The following JPH1 variants were observed in gnomAD, a reference collection of about 807,000 sequenced individuals.
JPH1 encodes the protein junctophilin-1.
In JPH1, 12 loss-of-function variants were observed where a neutral mutation model predicts 53.6. The ratio of observed to expected loss-of-function variants is 0.22; its 90% CI spans 0.14 to 0.36. The LOEUF (loss-of-function observed/expected upper bound fraction) is 0.36. Ranked by LOEUF, JPH1 falls within the 10% of genes least tolerant of loss-of-function variation. JPH1 has a pLI of 1.00. For missense variants in JPH1, 808 were observed against 905.5 expected, an observed-to-expected ratio of 0.89 and a Z score of 1.38; for synonymous variants, 375 against 363.8, an observed-to-expected ratio of 1.03 and a Z score of -0.35.
In JPH1 at chr8:74,244,655, T is replaced by A; in HGVS notation, c.1779A>T (p.Lys593Asn). 3.7e-6 allele frequency: 6 copies of A among 1,614,222 alleles called. No homozygotes were observed. Among genetic ancestry groups the A allele is most frequent in the Non-Finnish European group, 5.1e-6 (6 of 1,180,050 alleles). ...CTTTGGCAACTGGTTTTGTCACAGA[T>A]TTGGAGGGACTCCACTTGTTAGCGG... Reference protein sequence around the residue: ...KPSANKWSPSKSVTKPVAKES... With the variant: ...KPSANKWSPSNSVTKPVAKES... Residue 593 changes from lysine to asparagine, a missense_variant, in exon 4 of 6, where the codon AAA becomes AAT. Physicochemically the swap from Lys to Asn is moderately conservative, Grantham distance 94. Around this residue, in one of 2 missense-constraint regions of JPH1, gnomAD observed 756 missense variants for 811.9 expected, o/e 0.93. Transcript: ENST00000342232.
intron 2 of JPH1, among the ~76,000 whole-genome samples, chr8:74,314,057 C>T (rs1324236032): frequency 6.6e-6 from 1 of 152,128 alleles, no homozygotes; most frequent in Non-Finnish European, 1.5e-5. Context: ...CTATTATTCA[C>T]CGGTTTTCTC....
In JPH1 at chr8:74,247,211, T is replaced by C. The variant is rs567235456; in HGVS notation, c.1259-2036A>G. On this transcript the variant is annotated intron_variant, in intron 3 of 5. Transcript: ENST00000342232. ...GTGATAAAGTATATTCTCTAATACA[T>C]CTTGATGCAGTGTGATGTTTACATA... Among the ~76,000 whole-genome samples, 8 of 152,316 alleles carry C rather than the reference T, an allele frequency of 5.3e-5. No individual in the cohort carries two copies. The East Asian group carries it at 1.5e-3, about 29-fold the overall frequency.
At chr8:74,294,561 G>A (rs1807446748) in intron 2 of JPH1, among the ~76,000 whole-genome samples, 1 of 152,074 alleles carries the variant, frequency 6.6e-6, no homozygotes, top group Non-Finnish European at 1.5e-5. Flanking sequence ...TTCTTTTTTG[G>A]TGATGCTCCC....
In JPH1 at chr8:74,236,497, G is replaced by C. The variant is rs989940969; in HGVS notation, c.*554C>G. 2.2e-4 allele frequency: 33 copies of C among 152,624 alleles called. No individual in the cohort carries two copies. Among genetic ancestry groups the C allele is most frequent in the African/African-American group, 7.7e-4 (32 of 41,448 alleles). The allele number at this position is 152,624 out of a possible 1,614,324, so 9.5% of individuals were successfully genotyped here. Reference sequence around the variant, plus strand: ...GCAGGTCATGGCATAAGACTGGTGAGTGATGCTGCTACCTATTTCTTCTAA... The same window carrying C: ...GCAGGTCATGGCATAAGACTGGTGACTGATGCTGCTACCTATTTCTTCTAA... On this transcript the variant is annotated 3_prime_UTR_variant, in exon 6 of 6. Coordinates refer to ENST00000342232, the MANE Select transcript of JPH1 (RefSeq NM_020647.4).
At chr8:74,259,299 C>T in intron 3 of JPH1, 86 bp downstream of exon 3, 1 of 1,032,680 alleles carries the variant, frequency 9.7e-7, no homozygotes, top group South Asian at 1.4e-5. Flanking sequence ...TCAGGAAGCA[C>T]ACATCTTTAT....
intron 2 of JPH1, among the ~76,000 whole-genome samples, chr8:74,291,019 A>T (rs2131432337): frequency 6.6e-6 from 1 of 152,358 alleles, no homozygotes; most frequent in African/African-American, 2.4e-5. Context: ...ACCTAAAACC[A>T]TAAAAACCCT....
At chr8:74,278,610 A>G (rs1456823388) in intron 2 of JPH1, among the ~76,000 whole-genome samples, 1 of 152,228 alleles carries the variant, frequency 6.6e-6, no homozygotes, top group Non-Finnish European at 1.5e-5. Context: ...CTTTTAGTCA[A>G]CAGGCTAAGG....
chr8:74,259,239 C>T (rs1806321146), intron 3 of JPH1, 146 bp downstream of exon 3: 1 of 609,128 alleles, frequency 1.6e-6, no homozygotes, highest in Admixed American at 2.8e-5. Flanking sequence ...GATGAAGGAT[C>T]CTCAACCGCA....
At chr8:74,298,559 T>C (rs1236020608) in intron 2 of JPH1, among the ~76,000 whole-genome samples, 2 of 152,128 alleles carry the variant, frequency 1.3e-5, no homozygotes, top group Non-Finnish European at 2.9e-5. Context: ...GGTTAGTGCT[T>C]TTCAGATCCT....
intron 2 of JPH1, among the ~76,000 whole-genome samples, chr8:74,292,585 CACTT>C (rs1273686233): frequency 2.0e-5 from 3 of 152,152 alleles, no homozygotes; most frequent in Non-Finnish European, 2.9e-5. Flanking sequence ...TAAACAGACA[CACTT>C]ACAAACGGGT....
chr8:74,297,995 A>G (rs1173028439), intron 2 of JPH1, among the ~76,000 whole-genome samples: 7 of 152,228 alleles, frequency 4.6e-5, no homozygotes, highest in African/African-American at 1.7e-4. Flanking sequence ...TTCCACACAC[A>G]GGTCATCATC....
chr8:74,320,912 C>T lies in JPH1; in HGVS notation c.376G>A (p.Gly126Arg), dbSNP rs755418858. 1.3e-6 allele frequency: 2 copies of T among 1,551,154 alleles called. No individual in the cohort carries two copies. The highest frequency in any genetic ancestry group is 1.7e-6 in the Non-Finnish European group (2 of 1,149,184). The change falls in exon 1 of 6, where the codon GGA becomes AGA. Residue 126 changes from glycine to arginine, a missense_variant. This residue lies in a region of JPH1 where 756 missense variants were observed against 811.9 expected (regional missense o/e 0.93). Coordinates refer to ENST00000342232, the MANE Select transcript of JPH1 (RefSeq NM_020647.4). This position sits in a 1 kb window ranked among gnomAD's most constrained non-coding sequence, Gnocchi z 4.4. ...DGYGVETYGDGGTYQGQWAGG... is the reference protein window; with the variant it reads ...DGYGVETYGDRGTYQGQWAGG... ...AGCCGCCCGTTACGCCGCTCACCTC[C>T]GTCCCCGTAGGTCTCCACGCCGTAC... is the stretch of plus-strand genomic sequence containing the variant.
intron 2 of JPH1, among the ~76,000 whole-genome samples, chr8:74,303,814 A>T (rs1195811579): frequency 1.3e-5 from 2 of 152,146 alleles, no homozygotes; most frequent in Admixed American, 6.5e-5. Context: ...TACCACCTGC[A>T]GCCAGAGTGA....
In JPH1 at chr8:74,315,441, C is replaced by T. The variant is rs1387236560; in HGVS notation, c.559G>A (p.Ala187Thr). The T allele has an allele frequency of 1.2e-6, 2 of 1,610,640 alleles. No individual in the cohort carries two copies. The highest frequency in any genetic ancestry group is 1.1e-5 in the South Asian group (1 of 91,000). The change falls in exon 2 of 6, where the codon GCC (alanine) becomes ACC (threonine). Residue 187 changes from alanine to threonine, a missense_variant. Physicochemically the swap from Ala to Thr is moderately conservative, Grantham distance 58. Transcript: ENST00000342232. This position sits in a 1 kb window ranked among gnomAD's most constrained non-coding sequence, Gnocchi z 6.3. ...AGCACGAAACCGCCGCGGGTGCCGG[C>T]CGGGCTGTCGGCGGCGGCTGCGGCG... is the stretch of plus-strand genomic sequence containing the variant. ...HDAAAAADSP[A>T]GTRGGFVLNF...
chr8:74,309,690 A>G (rs1396143820), intron 2 of JPH1, among the ~76,000 whole-genome samples: 1 of 152,246 alleles, frequency 6.6e-6, no homozygotes, highest in Middle Eastern at 3.2e-3. Flanking sequence ...AATGAGAAAT[A>G]TAGTTAAAAT....
At chr8:74,297,759 TTC>T (rs1228054746) in intron 2 of JPH1, among the ~76,000 whole-genome samples, 1 of 152,244 alleles carries the variant, frequency 6.6e-6, no homozygotes, top group African/African-American at 2.4e-5. Flanking sequence ...GTGAATTTCA[TTC>T]TTTTATATAA....
chr8:74,290,015 A>C (rs1258200908), intron 2 of JPH1, among the ~76,000 whole-genome samples: 13 of 152,166 alleles, frequency 8.5e-5, no homozygotes, highest in Non-Finnish European at 1.8e-4. Flanking sequence ...CATCAGGGAT[A>C]TTGGTCTAAA....
chr8:74,286,188 C>T (rs140293770), intron 2 of JPH1, among the ~76,000 whole-genome samples: 15 of 152,312 alleles, frequency 9.8e-5, no homozygotes, highest in Middle Eastern at 3.4e-3. Flanking sequence ...TGACTGTCAC[C>T]TTACACATTT....
At chr8:74,276,267 T>G (rs187696193) in intron 2 of JPH1, among the ~76,000 whole-genome samples, 1 of 152,288 alleles carries the variant, frequency 6.6e-6, no homozygotes, top group Non-Finnish European at 1.5e-5. Flanking sequence ...GTCCCAGATG[T>G]CTACACTAGC....
Sources: gnomAD v4.1 joint callset for allele counts (sites outside exome capture counted in the v4.1 genomes callset) on GRCh38, gnomAD v4.1.1 for gene constraint, gnomAD v4.1.1 regional missense constraint, Gnocchi (gnomAD v3.1) non-coding constraint, MANE v1.5 for transcripts, NCBI Gene and HGNC (gene_info 2026-07-23, HGNC 2026-07-21) for gene names.